The following ROCK2 variants were observed in gnomAD, a reference collection of about 807,000 sequenced individuals.
The protein encoded by ROCK2 is Rho associated coiled-coil containing protein kinase 2.
ROCK2 carries 61 observed loss-of-function variants against 195.1 expected under a neutral mutation model. That is an observed-to-expected ratio of 0.31 (90% CI 0.25 to 0.39). The LOEUF (loss-of-function observed/expected upper bound fraction) is 0.39, where lower values mean the gene tolerates loss of function less well. Ranked by LOEUF, ROCK2 falls within the 10% of genes least tolerant of loss-of-function variation. ROCK2 has a pLI of 1.00. For missense variants in ROCK2, 1,109 were observed against 1,637.4 expected, an observed-to-expected ratio of 0.68 and a Z score of 5.57; for synonymous variants, 504 against 545.5, an observed-to-expected ratio of 0.92 and a Z score of 1.06.
chr2:11,269,020 C>T (rs892561846), intron 3 of ROCK2, among the ~76,000 whole-genome samples: 3 of 152,092 alleles, frequency 2.0e-5, no homozygotes, highest in Admixed American at 6.5e-5. Flanking sequence ...ATTCTTCTGC[C>T]GGCTCAAATC....
Position 11,197,565 on chromosome 2 carries a change from C to A in ROCK2, c.3240G>T (p.Gln1080His). 6.2e-7 allele frequency: 1 copy of A among 1,613,564 alleles called. No individual in the cohort carries two copies. Among genetic ancestry groups the A allele is most frequent in the Non-Finnish European group, 8.5e-7 (1 of 1,179,832 alleles). The change falls in exon 26 of 33, where the codon CAG (glutamine) becomes CAT (histidine). Residue 1080 changes from glutamine (Q) to histidine (H), a missense_variant. Around this residue, in one of 6 missense-constraint regions of ROCK2, gnomAD observed 29 missense variants for 75.0 expected, o/e 0.39. Coordinates refer to ENST00000315872, the MANE Select transcript of ROCK2 (RefSeq NM_004850.5). This position sits in a 1 kb window ranked among gnomAD's most constrained non-coding sequence, Gnocchi z 4.9. Reference sequence around the variant, plus strand: ...TCAGTTCTTTCTGATACTTGATCATCTGCTGGGTCAATTTCTCACGTTCAG... The same window carrying A: ...TCAGTTCTTTCTGATACTTGATCATATGCTGGGTCAATTTCTCACGTTCAG... ...LKSEREKLTQ[Q>H]MIKYQKELNE...
chr2:11,337,373 C>A (rs1572427094), intron 1 of ROCK2, among the ~76,000 whole-genome samples: 1 of 152,000 alleles, frequency 6.6e-6, no homozygotes, highest in Middle Eastern at 3.4e-3. Context: ...ATAATAAATA[C>A]AAATAAATGA....
intron 1 of ROCK2, among the ~76,000 whole-genome samples, chr2:11,335,614 AATC>A (rs1668905622): frequency 6.6e-6 from 1 of 152,218 alleles, no homozygotes. Flanking sequence ...ATTAGACCTT[AATC>A]ATTAAACCTT....
chr2:11,344,205 C>T lies in ROCK2; in HGVS notation c.-69G>A. The stretch of plus-strand genomic sequence containing the variant: ...CCCGCAGCCTCGGGGCCTAGCACCG[C>T]CCCCGAACCACCAGCTCCGGCCGGG... On this transcript the variant is annotated 5_prime_UTR_variant, in exon 1 of 33. Transcript: ENST00000315872. This position sits in a 1 kb window ranked among gnomAD's most constrained non-coding sequence, Gnocchi z 5.4. 1.5e-6 allele frequency: 2 copies of T among 1,343,696 alleles called. No homozygotes were observed. The highest frequency in any genetic ancestry group is 1.5e-5 in the African/African-American group (1 of 64,758). 83.2% of individuals were successfully genotyped at this position (1,343,696 alleles called of 1,614,324 possible).
intron 3 of ROCK2, among the ~76,000 whole-genome samples, chr2:11,283,645 A>ATGTTCCAC (rs1022611329): frequency 1.8e-4 from 28 of 152,190 alleles, no homozygotes; most frequent in African/African-American, 6.3e-4. Flanking sequence ...ATATGAAAAG[A>ATGTTCCAC]TGTTCCACAT....
intron 4 of ROCK2, among the ~76,000 whole-genome samples, chr2:11,238,209 A>AGTGTGTGTGTGTGTGTGTGTGTGTGTGT (rs6146630): frequency 0.013 from 1,767 of 135,240 alleles, 60 homozygotes; most frequent in African/African-American, 0.035. Context: ...ATTGAGAAAG[A>AGTGTGTGTGTGTGTGTGTGTGTGTGTGT]GTGTGTGTGT....
At chr2:11,210,095 T>C (rs2148057626) in intron 18 of ROCK2, among the ~76,000 whole-genome samples, 1 of 152,342 alleles carries the variant, frequency 6.6e-6, no homozygotes, top group African/African-American at 2.4e-5. Flanking sequence ...AAACCATCTA[T>C]AATATGTAAC....
chr2:11,255,678 G>A (rs531529692), intron 3 of ROCK2, among the ~76,000 whole-genome samples: 1 of 151,066 alleles, frequency 6.6e-6, no homozygotes, highest in South Asian at 2.1e-4. Context: ...CCAGCACTTT[G>A]GGAGGCTGAG....
chr2:11,192,188 T>A lies in ROCK2; in HGVS notation c.4123A>T (p.Ile1375Phe), dbSNP rs1663450720. 1 of 1,613,392 alleles carries A rather than the reference T, an allele frequency of 6.2e-7. No homozygotes were observed. The highest frequency in any genetic ancestry group is 1.1e-5 in the South Asian group (1 of 90,992). ...GCAAGCTGTCGACTTGGCCGTCTAATAGACTGGTTTTGCTGTATCTTCATT... is the reference window on the plus strand; with the variant it reads ...GCAAGCTGTCGACTTGGCCGTCTAAAAGACTGGTTTTGCTGTATCTTCATT... The part of the protein sequence containing the change: ...TSMKIQQNQS[I>F]RRPSRQLAPN... The change falls in exon 32 of 33, where the codon ATT becomes TTT. Residue 1375 changes from isoleucine (I) to phenylalanine (F), a missense_variant. By Grantham distance (21) the Ile-to-Phe change is conservative (BLOSUM62 0). Transcript: ENST00000315872. This position sits in a 1 kb window ranked among gnomAD's most constrained non-coding sequence, Gnocchi z 5.0.
At chr2:11,184,339 C>T (rs187092239) in intron 32 of ROCK2, among the ~76,000 whole-genome samples, 1 of 152,248 alleles carries the variant, frequency 6.6e-6, no homozygotes, top group East Asian at 1.9e-4. Flanking sequence ...AACTTGAAAA[C>T]GTTGTAAATT....
Position 11,297,714 on chromosome 2 carries a change from T to C in ROCK2, c.142-9978A>G, listed in dbSNP as rs562643474. ...TCTATTCTAAATACATGTTGTTAAGTCTATATGCTAAGTATTTTACCTTTT... is the reference window on the plus strand; with the variant it reads ...TCTATTCTAAATACATGTTGTTAAGCCTATATGCTAAGTATTTTACCTTTT... On this transcript the variant is annotated intron_variant, in intron 1 of 32. Transcript: ENST00000315872. Among the ~76,000 whole-genome samples the C allele has an allele frequency of 2.1e-4, 32 of 152,328 alleles. No homozygotes were observed. The South Asian group carries it at 6.6e-3, about 32-fold the overall frequency.
chr2:11,309,251 A>G (rs1394387636), intron 1 of ROCK2, among the ~76,000 whole-genome samples: 1 of 152,156 alleles, frequency 6.6e-6, no homozygotes, highest in Non-Finnish European at 1.5e-5. Context: ...GAAATGATTT[A>G]AAGTATACAG....
At position 11,194,354 on chromosome 2, in the gene ROCK2, C is replaced by A; in HGVS notation, c.3520-10G>T. ...TGCTTACAATCACATACTGTTAAAA[C>A]AGGGAGAAAAGAAATCAGTAATTCA... On this transcript the variant is annotated splice_polypyrimidine_tract_variant and intron_variant, in intron 28 of 32. Transcript: ENST00000315872. The A allele has an allele frequency of 8.1e-7, 1 of 1,238,260 alleles. No homozygotes were observed. The highest frequency in any genetic ancestry group is 2.0e-5 in the South Asian group (1 of 50,738). 76.7% of individuals were successfully genotyped at this position (1,238,260 alleles called of 1,614,324 possible).
At chr2:11,313,191 C>G (rs1392001083) in intron 1 of ROCK2, among the ~76,000 whole-genome samples, 1 of 151,988 alleles carries the variant, frequency 6.6e-6, no homozygotes, top group African/African-American at 2.4e-5. Flanking sequence ...CACTAAGGTA[C>G]GATGTTAATA....
At chr2:11,185,972 A>G (rs1283492542) in intron 32 of ROCK2, among the ~76,000 whole-genome samples, 2 of 152,172 alleles carry the variant, frequency 1.3e-5, no homozygotes, top group African/African-American at 4.8e-5. Flanking sequence ...AGAGATTTAG[A>G]TATGACTGAA....
chr2:11,220,152 G>C (rs182509947), intron 9 of ROCK2, among the ~76,000 whole-genome samples: 1 of 152,250 alleles, frequency 6.6e-6, no homozygotes, highest in Admixed American at 6.5e-5. Flanking sequence ...AGAGTAGCTG[G>C]GATTACAGGC....
chr2:11,253,385 C>G (rs916706431), intron 3 of ROCK2, among the ~76,000 whole-genome samples: 1 of 152,168 alleles, frequency 6.6e-6, no homozygotes, highest in African/African-American at 2.4e-5. Flanking sequence ...CATCATAGTA[C>G]CTAATTCAAC....
chr2:11,217,272 T>TA, intron 11 of ROCK2, 103 bp from the exon 12 acceptor site: 1 of 744,448 alleles, frequency 1.3e-6, no homozygotes, highest in Non-Finnish European at 2.5e-6. Context: ...CCACTAAACA[T>TA]AATGTCCTCT....
At chr2:11,249,579 A>T (rs1665755025) in intron 4 of ROCK2, 82 bp downstream of exon 4, 2 of 1,107,230 alleles carry the variant, frequency 1.8e-6, no homozygotes, top group Non-Finnish European at 2.4e-6. Flanking sequence ...GAAGCATAAG[A>T]CTTGGCACAC....
Sources: allele counts gnomAD v4.1 joint callset (sites outside exome capture counted in the v4.1 genomes callset), GRCh38; gene constraint gnomAD v4.1.1; regional missense constraint gnomAD v4.1.1; non-coding constraint Gnocchi (gnomAD v3.1); transcripts MANE v1.5; gene names NCBI Gene and HGNC (gene_info 2026-07-23, HGNC 2026-07-21).